Variants in TACC1 observed in about 807,000 individuals in gnomAD.
The protein encoded by TACC1 is transforming acidic coiled-coil containing protein 1.
TACC1 carries 48 observed loss-of-function variants against 84.4 expected under a neutral mutation model. The ratio of observed to expected loss-of-function variants is 0.57; its 90% confidence interval spans 0.45 to 0.72. The LOEUF (loss-of-function observed/expected upper bound fraction) is 0.72. Among genes scored for constraint, TACC1 ranks in the 30% least tolerant of loss-of-function variants. The pLI is 0.00. For synonymous variants in TACC1, 372 were observed against 376.3 expected, an observed-to-expected ratio of 0.99 and a Z score of 0.13; for missense variants, 920 against 973.0, an observed-to-expected ratio of 0.95 and a Z score of 0.72.
chr8:38,815,018 A>G (rs1311218379), intron 2 of TACC1, among the ~76,000 whole-genome samples: 3 of 152,214 alleles, frequency 2.0e-5, no homozygotes, highest in Non-Finnish European at 4.4e-5. Context: ...TTATAGTAAA[A>G]TGTAGTGTAA....
At chr8:38,773,613 T>TCTAGCTATCTATCTAG (rs1563382713) in intron 3 of TACC1, among the ~76,000 whole-genome samples, 27 of 151,222 alleles carry the variant, frequency 1.8e-4, no homozygotes, top group African/African-American at 2.7e-4. Flanking sequence ...TAGCTATCTA[T>TCTAGCTATCTATCTAG]CTAGCTATCT....
chr8:38,758,370 G>A (rs1201457139), intron 3 of TACC1, among the ~76,000 whole-genome samples: 1 of 151,976 alleles, frequency 6.6e-6, no homozygotes, highest in Non-Finnish European at 1.5e-5. Context: ...CTTACTTCAG[G>A]CAGCTTATTA....
At chr8:38,776,765 T>C (rs1021572758) in intron 3 of TACC1, among the ~76,000 whole-genome samples, 1 of 152,050 alleles carries the variant, frequency 6.6e-6, no homozygotes, top group Admixed American at 6.6e-5. Context: ...TTATCATTTT[T>C]AAAAATGCTT....
intron 11 of TACC1, among the ~76,000 whole-genome samples, chr8:38,844,516 A>G (rs1251518965): frequency 6.6e-6 from 1 of 152,168 alleles, no homozygotes; most frequent in South Asian, 2.1e-4. Context: ...ATTTGCATCT[A>G]TCTTATGAAT....
At chr8:38,752,834 T>C (rs1053526133) in intron 3 of TACC1, among the ~76,000 whole-genome samples, 2 of 152,180 alleles carry the variant, frequency 1.3e-5, no homozygotes, top group Admixed American at 1.3e-4. Flanking sequence ...CCAACTATGA[T>C]CCTCCTGCCC....
intron 2 of TACC1, among the ~76,000 whole-genome samples, chr8:38,810,381 A>C (rs1252162916): frequency 6.6e-6 from 1 of 152,116 alleles, no homozygotes; most frequent in African/African-American, 2.4e-5. Context: ...CAGAAAGATC[A>C]GTTGAGGCCA....
At chr8:38,762,664 C>T (rs944310812) in intron 3 of TACC1, among the ~76,000 whole-genome samples, 8 of 151,888 alleles carry the variant, frequency 5.3e-5, no homozygotes, top group Non-Finnish European at 7.4e-5. Context: ...TCAAGCGATT[C>T]TTCTGCCTCA....
chr8:38,756,762 C>G (rs1810115212), intron 3 of TACC1, among the ~76,000 whole-genome samples: 1 of 152,230 alleles, frequency 6.6e-6, no homozygotes, highest in Non-Finnish European at 1.5e-5. Context: ...TTCTGTGCAG[C>G]GCAGTCCAGG....
intron 3 of TACC1, among the ~76,000 whole-genome samples, chr8:38,762,115 T>C (rs1227110829): frequency 2.0e-5 from 3 of 152,222 alleles, no homozygotes; most frequent in African/African-American, 7.2e-5. Flanking sequence ...AAAAGTAAGA[T>C]AGATACTCTA....
chr8:38,773,337 A>G (rs924763778), intron 3 of TACC1, among the ~76,000 whole-genome samples: 1 of 150,972 alleles, frequency 6.6e-6, no homozygotes, highest in Non-Finnish European at 1.5e-5. Flanking sequence ...AAAAAAATTC[A>G]TTATTTTAAA....
chr8:38,770,385 C>A (rs943517767), intron 3 of TACC1, among the ~76,000 whole-genome samples: 2 of 152,124 alleles, frequency 1.3e-5, no homozygotes, highest in African/African-American at 4.8e-5. Context: ...CCGGCGGCAC[C>A]CTCGGGTTTT....
At chr8:38,734,814 C>A (rs1409652458) in intron 1 of TACC1, among the ~76,000 whole-genome samples, 2 of 152,254 alleles carry the variant, frequency 1.3e-5, no homozygotes, top group Non-Finnish European at 2.9e-5. Context: ...CAGGAACAAG[C>A]AAGGGTGCCT....
chr8:38,844,733 A>C (rs140220230), intron 11 of TACC1: 288 of 152,172 alleles, frequency 1.9e-3, no homozygotes, highest in African/African-American at 6.5e-3. Flanking sequence ...TCAGAAATTT[A>C]CTTTTATGTG....
intron 3 of TACC1, among the ~76,000 whole-genome samples, chr8:38,822,122 G>C (rs1216641563): frequency 6.6e-6 from 1 of 151,792 alleles, no homozygotes; most frequent in Non-Finnish European, 1.5e-5. Context: ...GTGCATGCCT[G>C]TAGACCCAGC....
chr8:38,833,590 C>T (rs1212687691), intron 6 of TACC1, among the ~76,000 whole-genome samples: 3 of 152,194 alleles, frequency 2.0e-5, no homozygotes, highest in African/African-American at 7.2e-5. Flanking sequence ...GGTTTGATCT[C>T]CTACCGCCTG....
intron 3 of TACC1, among the ~76,000 whole-genome samples, chr8:38,745,678 G>T (rs1411562850): frequency 2.0e-5 from 3 of 151,998 alleles, no homozygotes; most frequent in African/African-American, 4.8e-5. Flanking sequence ...CGAGTAGCTG[G>T]GACTACAGGC....
chr8:38,772,167 C>G (rs994978312), intron 3 of TACC1, among the ~76,000 whole-genome samples: 1 of 152,192 alleles, frequency 6.6e-6, no homozygotes, highest in Non-Finnish European at 1.5e-5. Context: ...GGTGGCTTAT[C>G]ATTTCACCCA....
At chr8:38,776,197 T>C (rs1458163728) in intron 3 of TACC1, among the ~76,000 whole-genome samples, 1 of 152,242 alleles carries the variant, frequency 6.6e-6, no homozygotes, top group Non-Finnish European at 1.5e-5. Flanking sequence ...AATCTAAATA[T>C]TGACTCCCTC....
intron 3 of TACC1, among the ~76,000 whole-genome samples, chr8:38,752,232 G>A (rs1809176403): frequency 6.6e-6 from 1 of 152,208 alleles, no homozygotes; most frequent in Non-Finnish European, 1.5e-5. Flanking sequence ...GCACCTGACA[G>A]GCTGAGGCAG....
Sources: gnomAD v4.1 joint callset for allele counts (sites outside exome capture counted in the v4.1 genomes callset) on GRCh38, gnomAD v4.1.1 for gene constraint, MANE v1.5 for transcripts, NCBI Gene and HGNC (gene_info 2026-07-23, HGNC 2026-07-21) for gene names.